SNTG1: variants seen among roughly 807,000 people sequenced by gnomAD.
The protein encoded by SNTG1 is syntrophin gamma 1.
Under a neutral mutation model 74.7 loss-of-function variants are expected in SNTG1, and 39 were observed. The observed-to-expected ratio is 0.52, with a 90% CI of 0.40 to 0.68. The LOEUF is 0.68. SNTG1 is among the 30% of genes least tolerant of loss of function. SNTG1 has a pLI of 0.00. For synonymous variants in SNTG1, 254 were observed against 217.1 expected, an observed-to-expected ratio of 1.17 and a Z score of -1.49; for missense variants, 685 against 609.5, an observed-to-expected ratio of 1.12 and a Z score of -1.30.
chr8:50,229,671 A>T (rs2085518162), intron 2 of SNTG1, among the ~76,000 whole-genome samples: 1 of 151,360 alleles, frequency 6.6e-6, no homozygotes, highest in South Asian at 2.1e-4. Context: ...TTTTTAAGTA[A>T]CATTGATTAA....
chr8:50,594,792 C>A (rs981119934), intron 13 of SNTG1, among the ~76,000 whole-genome samples: 2 of 151,998 alleles, frequency 1.3e-5, no homozygotes, highest in Non-Finnish European at 2.9e-5. Context: ...CAACTTTTAA[C>A]AAATATGGAA....
intron 3 of SNTG1, among the ~76,000 whole-genome samples, chr8:50,395,301 A>C (rs2092712649): frequency 6.6e-6 from 1 of 152,098 alleles, no homozygotes; most frequent in Non-Finnish European, 1.5e-5. Context: ...TAACATTTTA[A>C]ACATATCTCT....
intron 18 of SNTG1, among the ~76,000 whole-genome samples, chr8:50,782,417 T>A (rs941483873): frequency 2.0e-5 from 3 of 152,210 alleles, no homozygotes; most frequent in Admixed American, 6.5e-5. Flanking sequence ...TTTATTCTTT[T>A]TTCTCTAAAC....
chr8:50,048,511 T>C (rs1336257813), intron 1 of SNTG1, among the ~76,000 whole-genome samples: 7 of 152,218 alleles, frequency 4.6e-5, no homozygotes, highest in Non-Finnish European at 7.3e-5. Context: ...TCTTTTACAA[T>C]AGTCATTAAC....
chr8:50,252,873 A>G (rs562440492), intron 2 of SNTG1, among the ~76,000 whole-genome samples: 1 of 152,350 alleles, frequency 6.6e-6, no homozygotes, highest in South Asian at 2.1e-4. Context: ...CATATCAGAC[A>G]GTAAAAGACA....
chr8:50,427,773 T>G (rs1011599242), intron 4 of SNTG1, among the ~76,000 whole-genome samples: 2 of 152,212 alleles, frequency 1.3e-5, no homozygotes, highest in African/African-American at 4.8e-5. Flanking sequence ...CAGAACAAAT[T>G]TACTCAATTG....
At chr8:50,063,170 C>T (rs1820619775) in intron 1 of SNTG1, among the ~76,000 whole-genome samples, 1 of 152,180 alleles carries the variant, frequency 6.6e-6, no homozygotes. Context: ...GCATCAGATA[C>T]GTAATCTCAG....
At chr8:50,220,882 T>A (rs2085031553) in intron 2 of SNTG1, among the ~76,000 whole-genome samples, 1 of 152,192 alleles carries the variant, frequency 6.6e-6, no homozygotes, top group Non-Finnish European at 1.5e-5. Context: ...ACCAACACAG[T>A]GTTTACTCCA....
At chr8:50,250,408 T>C (rs530121832) in intron 2 of SNTG1, among the ~76,000 whole-genome samples, 3 of 152,178 alleles carry the variant, frequency 2.0e-5, no homozygotes, top group East Asian at 1.9e-4. Flanking sequence ...AACATACTTA[T>C]AGCTGAAAAG....
intron 1 of SNTG1, among the ~76,000 whole-genome samples, chr8:50,092,028 C>G (rs2079758162): frequency 6.6e-6 from 1 of 152,074 alleles, no homozygotes; most frequent in Non-Finnish European, 1.5e-5. Flanking sequence ...CTTCTTTTCC[C>G]ACTTCGTATT....
chr8:50,502,938 T>C lies in SNTG1; in HGVS notation c.466+58T>C, dbSNP rs1037722610. On this transcript the variant is annotated intron_variant, in intron 9 of 18. Transcript: ENST00000642720. ...CACATCATTATAGTTACATAATTAT[T>C]ATTTTGACAATAATTGGTGATTTCT... The C allele has an allele frequency of 2.2e-6, 3 of 1,356,102 alleles. No homozygotes were observed. In the African/African-American group the frequency reaches 4.4e-5, roughly 20 times the overall value. 84.0% of individuals were successfully genotyped at this position (1,356,102 alleles called of 1,614,324 possible).
At chr8:50,166,012 C>A (rs1386132696) in intron 1 of SNTG1, among the ~76,000 whole-genome samples, 3 of 135,162 alleles carry the variant, frequency 2.2e-5, no homozygotes, top group African/African-American at 8.5e-5. Context: ...GAAAAACAAG[C>A]AATGGGGAAA....
intron 2 of SNTG1, among the ~76,000 whole-genome samples, chr8:50,298,640 G>A (rs2089500980): frequency 6.6e-6 from 1 of 152,058 alleles, no homozygotes; most frequent in South Asian, 2.1e-4. Flanking sequence ...TAATAAAGAT[G>A]AATATTAAAA....
At chr8:50,008,256 A>G (rs950376082) in intron 1 of SNTG1, among the ~76,000 whole-genome samples, 16 of 152,206 alleles carry the variant, frequency 1.1e-4, no homozygotes, top group Admixed American at 6.5e-4. Context: ...CATCACAAAC[A>G]TTATCAGACC....
chr8:50,171,580 A>C (rs541271785), intron 1 of SNTG1, among the ~76,000 whole-genome samples: 1 of 152,250 alleles, frequency 6.6e-6, no homozygotes, highest in African/African-American at 2.4e-5. Context: ...TCACAGACAC[A>C]CCCAGGTTCA....
At chr8:50,434,080 C>G (rs1242061786) in intron 4 of SNTG1, among the ~76,000 whole-genome samples, 1 of 149,984 alleles carries the variant, frequency 6.7e-6, no homozygotes, top group Non-Finnish European at 1.5e-5. Context: ...TGATGTTCCC[C>G]TTCCTGTGTC....
chr8:50,291,133 C>G (rs1453444323), intron 2 of SNTG1, among the ~76,000 whole-genome samples: 1 of 151,996 alleles, frequency 6.6e-6, no homozygotes, highest in Admixed American at 6.6e-5. Flanking sequence ...ATCTTGTCGG[C>G]CTTGAAGTTT....
intron 12 of SNTG1, among the ~76,000 whole-genome samples, chr8:50,586,844 C>T (rs554861770): frequency 1.3e-5 from 2 of 150,076 alleles, no homozygotes; most frequent in Non-Finnish European, 3.0e-5. Flanking sequence ...TGGAGAGCTT[C>T]GTTAAAAAAA....
chr8:49,983,684 A>G (rs1812885610), intron 1 of SNTG1, among the ~76,000 whole-genome samples: 1 of 152,224 alleles, frequency 6.6e-6, no homozygotes, highest in African/African-American at 2.4e-5. Flanking sequence ...CACAGCAACC[A>G]ACAGAGGCCC....
Sources: gnomAD v4.1 joint callset for allele counts (sites outside exome capture counted in the v4.1 genomes callset) on GRCh38, gnomAD v4.1.1 for gene constraint, MANE v1.5 for transcripts, NCBI Gene and HGNC (gene_info 2026-07-23, HGNC 2026-07-21) for gene names.